NOTCH4: variants seen among roughly 807,000 people sequenced by gnomAD.
The protein encoded by NOTCH4 is neurogenic locus notch homolog protein 4.
A neutral mutation model predicts 189.0 loss-of-function variants in NOTCH4; 138 were observed. The observed-to-expected ratio is 0.73, with a 90% CI of 0.64 to 0.84. NOTCH4 has a LOEUF of 0.84. Ranked by LOEUF, NOTCH4 falls within the 40% of genes least tolerant of loss-of-function variation. NOTCH4 has a pLI of 0.00. For synonymous variants in NOTCH4, 942 were observed against 1,032.8 expected (o/e 0.91, Z 1.69); for missense variants, 2,286 against 2,605.4 (o/e 0.88, Z 2.67).
chr6:32,197,922 C>T (rs545774011), intron 26 of NOTCH4, among the ~76,000 whole-genome samples: 7 of 151,520 alleles, frequency 4.6e-5, no homozygotes, highest in African/African-American at 1.5e-4. Context: ...CCCAGGTTCA[C>T]GCCATTCTCC....
At chr6:32,218,195 G>GC in intron 8 of NOTCH4, 87 bp from the exon 9 acceptor site, 1 of 845,210 alleles carries the variant, frequency 1.2e-6, no homozygotes, top group South Asian at 1.5e-5. Flanking sequence ...CTCCTGACTT[G>GC]CCCCACTCAG....
Position 32,197,406 on chromosome 6 carries a change from C to G in NOTCH4, c.4945G>C (p.Ala1649Pro), listed in dbSNP as rs755789166. Residue 1649 changes from alanine to proline, a missense_variant, in exon 27 of 30, where the codon GCT becomes CCT. By Grantham distance (27) the Ala-to-Pro change is conservative. Transcript: ENST00000375023. ...CCAGCCTCAAGGAGGCGGCGGGCAG[C>G]GGTTGGCCGGGAGAATCGGGCAGCC... ...HLAARFSRPT[A>P]ARRLLEAGAN... The G allele has an allele frequency of 6.5e-6, 10 of 1,541,950 alleles. No individual in the cohort carries two copies. The highest frequency in any genetic ancestry group is 7.9e-6 in the Non-Finnish European group (9 of 1,144,056).
rs1788230870 is a variant in NOTCH4, at chr6:32,199,866, G to A, written c.4316-721C>T. Among the ~76,000 whole-genome samples the A allele has an allele frequency of 6.6e-6, 1 of 152,056 alleles. No homozygotes were observed. Among genetic ancestry groups the A allele is most frequent in the African/African-American group, 2.4e-5 (1 of 41,382 alleles). ...ACTGTACTCCAGTGTGGCTGACAGA[G>A]TAAGACTGTCTCAGAAAACAAACAC... On this transcript the variant is annotated intron_variant, in intron 23 of 29. Transcript: ENST00000375023. This position sits in a 1 kb window ranked among gnomAD's most constrained non-coding sequence, Gnocchi z 4.9.
At chr6:32,222,337 G>A (rs781780458) in intron 3 of NOTCH4, among the ~76,000 whole-genome samples, 174 bp downstream of exon 3, 9 of 152,260 alleles carry the variant, frequency 5.9e-5, no homozygotes, top group Non-Finnish European at 1.2e-4. Flanking sequence ...GTACAACCAT[G>A]CTGGTGAATG....
rs142167211 is a variant in NOTCH4, at chr6:32,220,458, G to A, written c.1106C>T (p.Thr369Ile). ...GAAAGAGCCCACCCGGTCAATGCAG[G>A]TGGATCCCGGGGCACAGGTGGCAGC... ...CIAATCAPGS[T>I]CIDRVGSFSC... Residue 369 changes from threonine (T) to isoleucine (I), a missense_variant, in exon 6 of 30, where the codon ACC becomes ATC. Thr to Ile is a moderately conservative substitution (Grantham distance 89). Around this residue, in one of 2 missense-constraint regions of NOTCH4, gnomAD observed 1,903 missense variants for 2,261.9 expected, o/e 0.84. Transcript: ENST00000375023. The A allele has an allele frequency of 1.1e-4, 180 of 1,613,930 alleles. No homozygotes were observed. Among genetic ancestry groups the A allele is most frequent in the Admixed American group, 2.8e-4 (17 of 60,002 alleles).
In NOTCH4 at chr6:32,201,257, A is replaced by G; in HGVS notation, c.3999T>C (p.Arg1333=). 4.3e-6 allele frequency: 7 copies of G among 1,612,978 alleles called. No individual in the cohort carries two copies. The highest frequency in any genetic ancestry group is 5.9e-6 in the Non-Finnish European group (7 of 1,180,006). ...AGGGGTACACCATGTCCCTGCCATC[A>G]CGATCCTTCCTTACCCAGAGTCCTA... ...LRVGLWVRKD[R]DGRDMVYPYP... The change falls in exon 22 of 30, where the codon CGT becomes CGC. Residue 1333 remains arginine (R), a synonymous_variant. Coordinates refer to ENST00000375023, the MANE Select transcript of NOTCH4 (RefSeq NM_004557.4). The surrounding 1 kb of genome is among the most constrained non-coding windows in gnomAD (Gnocchi z 5.5).
In NOTCH4 at chr6:32,196,164, C is replaced by T; in HGVS notation, c.5299-14G>A. Reference sequence around the variant, plus strand: ...CGGCGTCTGCTCCTGTACAGAAGAGCCAGGGCCGATATCAGGGAAGGCCAC... The same window carrying T: ...CGGCGTCTGCTCCTGTACAGAAGAGTCAGGGCCGATATCAGGGAAGGCCAC... On this transcript the variant is annotated splice_polypyrimidine_tract_variant and intron_variant, in intron 29 of 29. Coordinates refer to ENST00000375023, the MANE Select transcript of NOTCH4 (RefSeq NM_004557.4). The T allele has an allele frequency of 6.3e-7, 1 of 1,588,046 alleles. No homozygotes were observed. Among genetic ancestry groups the T allele is most frequent in the East Asian group, 2.2e-5 (1 of 44,628 alleles).
At chr6:32,220,311 C>G (rs1789671646) in intron 6 of NOTCH4, 27 bp from the exon 7 acceptor site, 1 of 1,609,566 alleles carries the variant, frequency 6.2e-7, no homozygotes, top group Non-Finnish European at 8.5e-7. Context: ...GGGTGAGGCT[C>G]TCAAAGGCCA....
Position 32,198,938 on chromosome 6 carries a change from C to T in NOTCH4, c.4523G>A (p.Ser1508Asn). ...HRRRPPLGED[S>N]IGLKALKPKA... ...TCCTCATTCTCACTTGAGACCAATG[C>T]TGTCCTCGCCTAGTGGGGGCCGGCG... The change falls in exon 24 of 30, where the codon AGC becomes AAC. Residue 1508 changes from serine (S) to asparagine (N), a missense_variant. By Grantham distance (46) the Ser-to-Asn change is conservative (BLOSUM62 1). Transcript: ENST00000375023. The surrounding 1 kb of genome is among the most constrained non-coding windows in gnomAD (Gnocchi z 5.5). The T allele has an allele frequency of 1.3e-6, 2 of 1,579,992 alleles. No homozygotes were observed. The highest frequency in any genetic ancestry group is 1.7e-6 in the Non-Finnish European group (2 of 1,162,722).
chr6:32,223,219 T>C, intron 1 of NOTCH4, 133 bp from the exon 2 acceptor site: 1 of 714,052 alleles, frequency 1.4e-6, no homozygotes, highest in Non-Finnish European at 2.5e-6. Flanking sequence ...TTCACATCTG[T>C]CCCCACTCTC....
Position 32,202,486 on chromosome 6 carries a change from G to A in NOTCH4, c.3345C>T (p.Ala1115=). The A allele has an allele frequency of 6.2e-7, 1 of 1,612,680 alleles. No individual in the cohort carries two copies. Among genetic ancestry groups the A allele is most frequent in the Non-Finnish European group, 8.5e-7 (1 of 1,179,774 alleles). Residue 1115 remains alanine (A), a synonymous_variant, in exon 21 of 30, where the codon GCC becomes GCT. Coordinates refer to ENST00000375023, the MANE Select transcript of NOTCH4 (RefSeq NM_004557.4). The surrounding 1 kb of genome is among the most constrained non-coding windows in gnomAD (Gnocchi z 5.7). ...SPKPGFPPRC[A]CLSGYGGPDC... ...CAGGACCCCCATAGCCACTGAGGCA[G>A]GCACAGCGTGGTGGGAAGCCTGGCT...
At position 32,214,042 on chromosome 6, in the gene NOTCH4, T is replaced by A. The variant is rs566620756; in HGVS notation, c.2167+68A>T. The A allele has an allele frequency of 7.8e-6, 12 of 1,542,634 alleles. No homozygotes were observed. The African/African-American group carries it at 1.5e-4, about 20-fold the overall frequency. On this transcript the variant is annotated intron_variant, in intron 13 of 29. Transcript: ENST00000375023. ...GGTGACTGAGACTCAGGGCCCGTGG[T>A]CGCCTGCCTTACCCTTGACATAGGG... is the stretch of plus-strand genomic sequence containing the variant.
rs1197753830 is a variant in NOTCH4 at position 32,196,433 on chromosome 6, C to T, written c.5201-12G>A. On this transcript the variant is annotated splice_polypyrimidine_tract_variant and intron_variant, in intron 28 of 29. Coordinates refer to ENST00000375023, the MANE Select transcript of NOTCH4 (RefSeq NM_004557.4). ...CAGCGCAGTTTTCCCTAGGGGACGACGTGGGAGGTTGTTACCCCAGTTGGG... is the reference window on the plus strand; with the variant it reads ...CAGCGCAGTTTTCCCTAGGGGACGATGTGGGAGGTTGTTACCCCAGTTGGG... The T allele has an allele frequency of 2.4e-5, 39 of 1,612,314 alleles. No individual in the cohort carries two copies. The highest frequency in any genetic ancestry group is 3.1e-5 in the Non-Finnish European group (37 of 1,179,692).
chr6:32,218,181 C>T, intron 8 of NOTCH4, 73 bp from the exon 9 acceptor site: 2 of 998,990 alleles, frequency 2.0e-6, no homozygotes, highest in Non-Finnish European at 3.1e-6. Context: ...TAGAATCGGC[C>T]CTGCTCCTGA....
At position 32,198,923 on chromosome 6, in the gene NOTCH4, C is replaced by G. The variant is rs757511402; in HGVS notation, c.4535+3G>C. 3 of 1,551,304 alleles carry G rather than the reference C, an allele frequency of 1.9e-6. No homozygotes were observed. The highest frequency in any genetic ancestry group is 2.6e-6 in the Non-Finnish European group (3 of 1,149,574). ...CTGAGCCTGGGTTTCTCCTCATTCT[C>G]ACTTGAGACCAATGCTGTCCTCGCC... On this transcript the variant is annotated splice_donor_region_variant and intron_variant, in intron 24 of 29. Coordinates refer to ENST00000375023, the MANE Select transcript of NOTCH4 (RefSeq NM_004557.4). This position sits in a 1 kb window ranked among gnomAD's most constrained non-coding sequence, Gnocchi z 5.5.
In NOTCH4 at chr6:32,222,604, C is replaced by A; in HGVS notation, c.358G>T (p.Asp120Tyr). The change falls in exon 3 of 30, where the codon GAC becomes TAC. Residue 120 changes from aspartate to tyrosine, a missense_variant. Asp to Tyr is a radical substitution (Grantham distance 160, BLOSUM62 -3). Around this residue, in one of 2 missense-constraint regions of NOTCH4, gnomAD observed 1,903 missense variants for 2,261.9 expected, o/e 0.84. Coordinates refer to ENST00000375023, the MANE Select transcript of NOTCH4 (RefSeq NM_004557.4). The part of the protein sequence containing the change: ...TGERCQAKLE[D>Y]PCPPSFCSKR... ...GAACAGAAGGAGGGAGGACAAGGGT[C>A]TTCAAGCTTGGCCTGGCATCTCTCA... 1 of 1,602,810 alleles carries A rather than the reference C, an allele frequency of 6.2e-7. No homozygotes were observed. Among genetic ancestry groups the A allele is most frequent in the Non-Finnish European group, 8.5e-7 (1 of 1,176,566 alleles).
chr6:32,223,756 C>G, intron 1 of NOTCH4, 100 bp downstream of exon 1: 8 of 1,186,998 alleles, frequency 6.7e-6, no homozygotes, highest in Non-Finnish European at 9.6e-6. Context: ...CTCCATCCAG[C>G]ATCCCTCACA....
In NOTCH4 at chr6:32,215,290, C is replaced by T. The variant is rs1789328904; in HGVS notation, c.1957G>A (p.Asp653Asn). 2 of 1,607,300 alleles carry T rather than the reference C, an allele frequency of 1.2e-6. No individual in the cohort carries two copies. The highest frequency in any genetic ancestry group is 1.1e-5 in the South Asian group (1 of 89,528). ...QKDKANCLCP[D>N]GSPGCAPPED... is the part of the protein sequence containing the mutation. ...GGTGGGGCACAGCCAGGGCTTCCAT[C>T]AGGACAGAGGCAGTTGGCCTTGTCT... Residue 653 changes from aspartate (D) to asparagine (N), a missense_variant, in exon 12 of 30, where the codon GAT becomes AAT. By Grantham distance (23) the Asp-to-Asn change is conservative (BLOSUM62 1). Coordinates refer to ENST00000375023, the MANE Select transcript of NOTCH4 (RefSeq NM_004557.4).
In NOTCH4 at chr6:32,202,164, G is replaced by A. The variant is rs1479628728; in HGVS notation, c.3667C>T (p.Leu1223Phe). 1 of 1,521,730 alleles carries A rather than the reference G, an allele frequency of 6.6e-7. No individual in the cohort carries two copies. Among genetic ancestry groups the A allele is most frequent in the Non-Finnish European group, 8.8e-7 (1 of 1,135,244 alleles). 94.3% of individuals were successfully genotyped at this position (1,521,730 alleles called of 1,614,324 possible). Reference protein sequence around the residue: ...GCPSHSRCWLLFRDGQCHPQC... With the variant: ...GCPSHSRCWLFFRDGQCHPQC... ...GGGTGGCACTGCCCGTCCCGGAAGAGAAGCCAGCACCGAGAGTGGGAGGGG... is the reference window on the plus strand; with the variant it reads ...GGGTGGCACTGCCCGTCCCGGAAGAAAAGCCAGCACCGAGAGTGGGAGGGG... The change falls in exon 21 of 30, where the codon CTC (leucine) becomes TTC (phenylalanine). Residue 1223 changes from leucine (L) to phenylalanine (F), a missense_variant. Coordinates refer to ENST00000375023, the MANE Select transcript of NOTCH4 (RefSeq NM_004557.4). This position sits in a 1 kb window ranked among gnomAD's most constrained non-coding sequence, Gnocchi z 5.7.
Sources: allele counts gnomAD v4.1 joint callset (sites outside exome capture counted in the v4.1 genomes callset), GRCh38; gene constraint gnomAD v4.1.1; regional missense constraint gnomAD v4.1.1; non-coding constraint Gnocchi (gnomAD v3.1); transcripts MANE v1.5; gene names NCBI Gene and HGNC (gene_info 2026-07-23, HGNC 2026-07-21).